Variants in ACTN4 observed in about 807,000 individuals in gnomAD.
ACTN4 encodes the protein alpha-actinin-4.
ACTN4 carries 18 observed loss-of-function variants against 114.2 expected under a neutral mutation model. The ratio of observed to expected loss-of-function variants is 0.16; its 90% confidence interval spans 0.11 to 0.23. The LOEUF is 0.23. ACTN4 is among the 10% of genes least tolerant of loss of function. The pLI is 1.00. For missense variants in ACTN4, 722 were observed against 1,262.9 expected, an observed-to-expected ratio of 0.57 and a Z score of 6.49; for synonymous variants, 515 against 506.3, an observed-to-expected ratio of 1.02 and a Z score of -0.23.
intron 1 of ACTN4, among the ~76,000 whole-genome samples, chr19:38,670,614 A>T (rs1017205962): frequency 2.2e-4 from 34 of 152,184 alleles, no homozygotes; most frequent in African/African-American, 7.5e-4. Flanking sequence ...GGAGAGTTTT[A>T]TGGGGCATTT....
intron 8 of ACTN4, among the ~76,000 whole-genome samples, chr19:38,711,971 G>A (rs1162262076): frequency 1.3e-5 from 2 of 152,230 alleles, no homozygotes; most frequent in Non-Finnish European, 2.9e-5. Flanking sequence ...CCCAAGCACT[G>A]CTCCCCCCGC....
chr19:38,717,878 G>A lies in ACTN4; in HGVS notation c.1144-49G>A. ...GCATCCCTTGGAGACATCCCCCTGG[G>A]TGCCTCCACTTCCTTGTGATAGCCC... On this transcript the variant is annotated intron_variant, in intron 10 of 20. Coordinates refer to ENST00000252699, the MANE Select transcript of ACTN4 (RefSeq NM_004924.6). The surrounding 1 kb of genome is among the most constrained non-coding windows in gnomAD (Gnocchi z 4.0). The A allele has an allele frequency of 6.4e-7, 1 of 1,555,774 alleles. No homozygotes were observed. Among genetic ancestry groups the A allele is most frequent in the Non-Finnish European group, 8.7e-7 (1 of 1,149,452 alleles).
chr19:38,690,484 C>T (rs1024571716), intron 1 of ACTN4, among the ~76,000 whole-genome samples: 1 of 152,214 alleles, frequency 6.6e-6, no homozygotes, highest in Non-Finnish European at 1.5e-5. Context: ...CCATGACCCA[C>T]GGCTTCTAAT....
rs367554415 is a variant in ACTN4 at position 38,730,971 on chromosome 19, G to A, written c.*1539G>A. On this transcript the variant is annotated 3_prime_UTR_variant, in exon 21 of 21. Coordinates refer to ENST00000252699, the MANE Select transcript of ACTN4 (RefSeq NM_004924.6). ...TCCCTCCCACCTGGCTCACCTGTCT[G>A]TGGGTCAGGCAGATGACCCCCTCAC... The A allele has an allele frequency of 1.3e-6, 2 of 1,550,758 alleles. No homozygotes were observed. Among genetic ancestry groups the A allele is most frequent in the African/African-American group, 1.4e-5 (1 of 73,072 alleles).
intron 8 of ACTN4, among the ~76,000 whole-genome samples, chr19:38,713,824 T>C (rs564708936): frequency 1.3e-5 from 2 of 151,838 alleles, no homozygotes; most frequent in Non-Finnish European, 2.9e-5. Flanking sequence ...ACCCCCTGCC[T>C]CCTCTACACT....
rs552230061 is a variant in ACTN4, at chr19:38,708,940, T to C, written c.652-455T>C. Reference sequence around the variant, plus strand: ...GTTGGAGTGCAGTGGGCTTTAGTCCTGTAAGCAGTGGGGAGCCTGTGAGGG... The same window carrying C: ...GTTGGAGTGCAGTGGGCTTTAGTCCCGTAAGCAGTGGGGAGCCTGTGAGGG... On this transcript the variant is annotated intron_variant, in intron 6 of 20. Coordinates refer to ENST00000252699, the MANE Select transcript of ACTN4 (RefSeq NM_004924.6). Among the ~76,000 whole-genome samples the C allele has an allele frequency of 3.9e-5, 6 of 152,226 alleles. No homozygotes were observed. In the East Asian group the frequency reaches 7.7e-4, roughly 20 times the overall value.
At chr19:38,654,424 C>T (rs1327662955) in intron 1 of ACTN4, among the ~76,000 whole-genome samples, 1 of 151,818 alleles carries the variant, frequency 6.6e-6, no homozygotes, top group Non-Finnish European at 1.5e-5. Flanking sequence ...TAGCCGGGCA[C>T]GGTGGTGCAC....
At chr19:38,650,111 T>A (rs1429504146) in intron 1 of ACTN4, among the ~76,000 whole-genome samples, 7 of 152,058 alleles carry the variant, frequency 4.6e-5, no homozygotes, top group Non-Finnish European at 1.0e-4. Context: ...GCCACAGTGG[T>A]GGTTTTGAGA....
intron 1 of ACTN4, among the ~76,000 whole-genome samples, chr19:38,668,081 G>A (rs1301203918): frequency 6.6e-6 from 1 of 152,208 alleles, no homozygotes; most frequent in African/African-American, 2.4e-5. Context: ...AGATGAGGTT[G>A]TAATGTGGTG....
chr19:38,721,457 TC>T, intron 11 of ACTN4, 80 bp from the exon 12 acceptor site: 6 of 1,539,254 alleles, frequency 3.9e-6, no homozygotes, highest in Non-Finnish European at 5.4e-6. Context: ...TCTCTTTCCC[TC>T]CCTCTGCTTG....
chr19:38,673,670 A>G lies in ACTN4; in HGVS notation c.162+25763A>G, dbSNP rs1255123787. 5.2e-3 allele frequency among the ~76,000 whole-genome samples: 324 copies of G among 62,508 alleles called. 27 individuals carry two copies. Among genetic ancestry groups the G allele is most frequent in the African/African-American group, 0.026 (317 of 11,970 alleles). 41.0% of individuals were successfully genotyped at this position (62,508 alleles called of 152,430 possible). On this transcript the variant is annotated intron_variant, in intron 1 of 20. Transcript: ENST00000252699. The stretch of plus-strand genomic sequence containing the variant: ...ATTTATATATTTATATATATTATAT[A>G]TATTTATATATTTATATATATTATA...
chr19:38,672,434 T>C (rs1047949217), intron 1 of ACTN4, among the ~76,000 whole-genome samples: 8 of 151,040 alleles, frequency 5.3e-5, no homozygotes, highest in Non-Finnish European at 1.0e-4. Flanking sequence ...AGAGACGTGG[T>C]TTCTCCATGT....
chr19:38,730,115 C>G lies in ACTN4; in HGVS notation c.*683C>G, dbSNP rs1276051291. ...CAAAAAAAAAAAAGGAAAAAAAACACAAAACAACAAAAACCAAAAAAAAAA... is the reference window on the plus strand; with the variant it reads ...CAAAAAAAAAAAAGGAAAAAAAACAGAAAACAACAAAAACCAAAAAAAAAA... On this transcript the variant is annotated 3_prime_UTR_variant, in exon 21 of 21. Coordinates refer to ENST00000252699, the MANE Select transcript of ACTN4 (RefSeq NM_004924.6). 2 of 100,944 alleles carry G rather than the reference C, an allele frequency of 2.0e-5. No homozygotes were observed. The highest frequency in any genetic ancestry group is 9.4e-5 in the Admixed American group (1 of 10,674). 6.3% of individuals were successfully genotyped at this position (100,944 alleles called of 1,614,324 possible).
At chr19:38,673,540 T>C (rs1354841223) in intron 1 of ACTN4, among the ~76,000 whole-genome samples, 2 of 110,764 alleles carry the variant, frequency 1.8e-5, no homozygotes, top group Non-Finnish European at 3.7e-5. Flanking sequence ...TATATACTTA[T>C]ATATATTTAT....
In ACTN4 at chr19:38,731,410, A is replaced by G; in HGVS notation, c.*1978A>G. ...CTGGGCCTGTTTCCTCATCCATCAAACGGACTAAGACAGCCCCGACCCCAT... is the reference window on the plus strand; with the variant it reads ...CTGGGCCTGTTTCCTCATCCATCAAGCGGACTAAGACAGCCCCGACCCCAT... On this transcript the variant is annotated 3_prime_UTR_variant, in exon 21 of 21. Coordinates refer to ENST00000252699, the MANE Select transcript of ACTN4 (RefSeq NM_004924.6). 1 of 615,670 alleles carries G rather than the reference A, an allele frequency of 1.6e-6. No homozygotes were observed. The highest frequency in any genetic ancestry group is 2.9e-6 in the Non-Finnish European group (1 of 339,130). 38.1% of individuals were successfully genotyped at this position (615,670 alleles called of 1,614,324 possible).
rs771139400 is a variant in ACTN4 at position 38,697,260 on chromosome 19, C to T, written c.163-3340C>T. Among the ~76,000 whole-genome samples the T allele has an allele frequency of 4.6e-5, 7 of 152,178 alleles. No individual in the cohort carries two copies. In the South Asian group the frequency reaches 1.2e-3, roughly 27 times the overall value. On this transcript the variant is annotated intron_variant, in intron 1 of 20. Coordinates refer to ENST00000252699, the MANE Select transcript of ACTN4 (RefSeq NM_004924.6). Reference sequence around the variant, plus strand: ...CTCCACAGGGTGGGGTGGGGCCATCCGCAGAGGGTCTCCTGCCATCCCATT... The same window carrying T: ...CTCCACAGGGTGGGGTGGGGCCATCTGCAGAGGGTCTCCTGCCATCCCATT...
intron 1 of ACTN4, among the ~76,000 whole-genome samples, chr19:38,682,143 G>C (rs1568699463): frequency 6.6e-6 from 1 of 152,026 alleles, no homozygotes; most frequent in Non-Finnish European, 1.5e-5. Context: ...GAGGATTTCA[G>C]ATTTAAAGCA....
chr19:38,666,939 AG>A (rs959178811), intron 1 of ACTN4, among the ~76,000 whole-genome samples: 6 of 151,802 alleles, frequency 4.0e-5, no homozygotes, highest in African/African-American at 1.5e-4. Flanking sequence ...TGCTTGGGGG[AG>A]GGGGTGAAGG....
At chr19:38,660,847 A>T (rs1976863248) in intron 1 of ACTN4, among the ~76,000 whole-genome samples, 1 of 152,200 alleles carries the variant, frequency 6.6e-6, no homozygotes, top group Non-Finnish European at 1.5e-5. Flanking sequence ...TTATTTCTAC[A>T]CTACACTGAA....
Sources: gnomAD v4.1 joint callset for allele counts (sites outside exome capture counted in the v4.1 genomes callset) on GRCh38, gnomAD v4.1.1 for gene constraint, Gnocchi (gnomAD v3.1) non-coding constraint, MANE v1.5 for transcripts, NCBI Gene and HGNC (gene_info 2026-07-23, HGNC 2026-07-21) for gene names.